SHTN1: variants seen among roughly 807,000 people sequenced by gnomAD.
The protein encoded by SHTN1 is shootin 1, also known as shootin-1.
SHTN1 carries 42 observed loss-of-function variants against 83.1 expected under a neutral mutation model. The ratio of observed to expected loss-of-function variants is 0.51; its 90% CI spans 0.39 to 0.65. SHTN1 has a LOEUF of 0.65. Among genes scored for constraint, SHTN1 ranks in the 30% least tolerant of loss-of-function variants. SHTN1 has a pLI of 0.00. For synonymous variants in SHTN1, 224 were observed against 247.7 expected (o/e 0.90, Z 0.90); for missense variants, 622 against 737.8 (o/e 0.84, Z 1.82).
At chr10:117,046,829 T>G (rs1852670446) in intron 2 of SHTN1, among the ~76,000 whole-genome samples, 1 of 152,094 alleles carries the variant, frequency 6.6e-6, no homozygotes, top group Admixed American at 6.6e-5. Context: ...GATGAGTAGT[T>G]GCCAGGAGCT....
chr10:117,045,744 A>C (rs1449155418), intron 2 of SHTN1, among the ~76,000 whole-genome samples: 1 of 152,234 alleles, frequency 6.6e-6, no homozygotes, highest in Non-Finnish European at 1.5e-5. Context: ...CTAAAAGACA[A>C]TAAAACATGC....
intron 12 of SHTN1, among the ~76,000 whole-genome samples, chr10:116,919,349 T>C (rs1222307862): frequency 6.6e-6 from 1 of 152,212 alleles, no homozygotes; most frequent in East Asian, 1.9e-4. Context: ...GCTGTGTGTT[T>C]TTTAGGGTTG....
At chr10:116,911,917 CA>C in intron 13 of SHTN1, 74 bp from the exon 14 acceptor site, 1 of 1,058,340 alleles carries the variant, frequency 9.4e-7, no homozygotes, top group Non-Finnish European at 1.5e-6. Flanking sequence ...TTTTACATGG[CA>C]AACTATTAGT....
intron 2 of SHTN1, among the ~76,000 whole-genome samples, chr10:117,034,963 A>C (rs1460695955): frequency 1.3e-5 from 2 of 152,196 alleles, no homozygotes; most frequent in East Asian, 1.9e-4. Flanking sequence ...TTGTTCACAG[A>C]AATAGAAAAA....
chr10:117,107,419 C>G (rs1340354678), intron 1 of SHTN1, among the ~76,000 whole-genome samples: 2 of 151,506 alleles, frequency 1.3e-5, no homozygotes, highest in African/African-American at 2.4e-5. Flanking sequence ...CTCACATACT[C>G]CGTTCCGCAA....
At chr10:116,949,143 T>C (rs1849688338) in intron 6 of SHTN1, 146 bp from the exon 7 acceptor site, 3 of 831,864 alleles carry the variant, frequency 3.6e-6, no homozygotes, top group South Asian at 2.7e-5. Context: ...TAGGACTTTT[T>C]ATTAAAGCTC....
intron 2 of SHTN1, among the ~76,000 whole-genome samples, chr10:117,023,277 G>A (rs570298199): frequency 3.3e-5 from 5 of 152,194 alleles, no homozygotes; most frequent in African/African-American, 7.2e-5. Flanking sequence ...AATCTGTCAC[G>A]TGCAAATAGT....
chr10:117,041,093 C>T (rs1409380710), intron 2 of SHTN1, among the ~76,000 whole-genome samples: 1 of 149,398 alleles, frequency 6.7e-6, no homozygotes, highest in Non-Finnish European at 1.5e-5. Context: ...TGCTATCCCT[C>T]CCACCCCCGC....
intron 4 of SHTN1, among the ~76,000 whole-genome samples, chr10:116,957,310 G>A (rs558856591): frequency 1.4e-5 from 2 of 146,896 alleles, no homozygotes; most frequent in East Asian, 4.0e-4. Flanking sequence ...TTGGAGTAGA[G>A]CTGCGTGATT....
intron 1 of SHTN1, among the ~76,000 whole-genome samples, chr10:117,054,284 A>G (rs780148113): frequency 6.6e-5 from 10 of 152,198 alleles, no homozygotes; most frequent in Admixed American, 4.6e-4. Context: ...CTTTATGGCA[A>G]TAAGATACCA....
intron 11 of SHTN1, among the ~76,000 whole-genome samples, chr10:116,925,347 T>C (rs1014876186): frequency 6.6e-6 from 1 of 152,190 alleles, no homozygotes; most frequent in Non-Finnish European, 1.5e-5. Context: ...GCCTTCTAAC[T>C]GGGTTATTGG....
At chr10:116,958,694 T>C (rs1050497418) in intron 4 of SHTN1, among the ~76,000 whole-genome samples, 1 of 151,934 alleles carries the variant, frequency 6.6e-6, no homozygotes, top group African/African-American at 2.4e-5. Context: ...ACCTATTAAA[T>C]AAAAGGGGAG....
chr10:117,070,275 G>C (rs1049270226), intron 1 of SHTN1, among the ~76,000 whole-genome samples: 2 of 152,014 alleles, frequency 1.3e-5, no homozygotes, highest in Non-Finnish European at 2.9e-5. Flanking sequence ...GTGTGGAGTG[G>C]GGAGTTCTTG....
intron 9 of SHTN1, 94 bp downstream of exon 9, chr10:116,940,372 C>T: frequency 7.8e-7 from 1 of 1,277,098 alleles, no homozygotes; most frequent in Non-Finnish European, 1.1e-6. Context: ...CAGTAAATGA[C>T]TGGACTGACT....
chr10:117,034,555 C>T (rs957383470), intron 2 of SHTN1, among the ~76,000 whole-genome samples: 1 of 151,868 alleles, frequency 6.6e-6, no homozygotes, highest in Non-Finnish European at 1.5e-5. Context: ...GCAGGAGAAT[C>T]GCTTGAACCT....
At chr10:116,990,573 C>G (rs1851393440) in intron 1 of SHTN1, among the ~76,000 whole-genome samples, 1 of 152,116 alleles carries the variant, frequency 6.6e-6, no homozygotes, top group African/African-American at 2.4e-5. Context: ...TCTTTACTTT[C>G]TTAGGCTGTC....
intron 11 of SHTN1, among the ~76,000 whole-genome samples, chr10:116,924,900 G>C (rs983860674): frequency 3.3e-5 from 5 of 152,026 alleles, no homozygotes; most frequent in Admixed American, 2.0e-4. Context: ...TGGGACTACA[G>C]GCACCCACCA....
chr10:117,073,553 G>C (rs1334198542), intron 1 of SHTN1, among the ~76,000 whole-genome samples: 1 of 152,174 alleles, frequency 6.6e-6, no homozygotes, highest in African/African-American at 2.4e-5. Context: ...AACGTTTGCA[G>C]GTGAGGAGGA....
In SHTN1 at chr10:116,901,878, G is replaced by A. The variant is rs1449885248; in HGVS notation, c.1560C>T (p.Ala520=). ...CTGCCTCCAGAGTTTTCTTGTTCAAGGCTGTTTTTGTTACACTGGATACAG... is the reference window on the plus strand; with the variant it reads ...CTGCCTCCAGAGTTTTCTTGTTCAAAGCTGTTTTTGTTACACTGGATACAG... ...LGSVSSVTKT[A]LNKKTLEAEF... The change falls in exon 16 of 17, where the codon GCC becomes GCT. Residue 520 remains alanine (A), a synonymous_variant. Transcript: ENST00000355371. The A allele has an allele frequency of 6.2e-7, 1 of 1,608,140 alleles. No homozygotes were observed. The highest frequency in any genetic ancestry group is 1.1e-5 in the South Asian group (1 of 90,050).
Sources: gnomAD v4.1 joint callset for allele counts (sites outside exome capture counted in the v4.1 genomes callset) on GRCh38, gnomAD v4.1.1 for gene constraint, MANE v1.5 for transcripts, NCBI Gene and HGNC (gene_info 2026-07-23, HGNC 2026-07-21) for gene names.